LUZP2: variants seen among roughly 807,000 people sequenced by gnomAD.
LUZP2 encodes the protein leucine zipper protein 2.
A neutral mutation model predicts 51.6 loss-of-function variants in LUZP2; 52 were observed. The observed-to-expected ratio is 1.01, with a 90% CI of 0.81 to 1.27. The LOEUF is 1.27. Ranked by LOEUF, LUZP2 falls within the 50% of genes most tolerant of loss-of-function variation. The probability of loss-of-function intolerance (pLI) is 0.00; values close to 1 mark genes in which losing one functional copy is unlikely to be tolerated. For synonymous variants in LUZP2, 154 were observed against 137.3 expected, an observed-to-expected ratio of 1.12 and a Z score of -0.85; for missense variants, 436 against 395.4, an observed-to-expected ratio of 1.10 and a Z score of -0.87.
intron 9 of LUZP2, among the ~76,000 whole-genome samples, chr11:25,006,777 G>A (rs76854539): frequency 0.012 from 1,753 of 152,230 alleles, 35 homozygotes; most frequent in African/African-American, 0.039. Flanking sequence ...CAAGAATGAA[G>A]CCATAGACCC....
intron 9 of LUZP2, among the ~76,000 whole-genome samples, chr11:25,017,829 G>C (rs942710473): frequency 5.9e-5 from 9 of 152,128 alleles, no homozygotes; most frequent in African/African-American, 2.2e-4. Flanking sequence ...TGATGTGGTA[G>C]ATTGATAGGA....
chr11:24,794,479 T>C (rs1442851482), intron 5 of LUZP2, among the ~76,000 whole-genome samples: 4 of 152,130 alleles, frequency 2.6e-5, no homozygotes, highest in Non-Finnish European at 4.4e-5. Flanking sequence ...AATCAAGAGA[T>C]ATAGCAAACA....
At chr11:24,834,490 A>G (rs2134186563) in intron 5 of LUZP2, among the ~76,000 whole-genome samples, 1 of 152,288 alleles carries the variant, frequency 6.6e-6, no homozygotes. Flanking sequence ...TATCCAGTCT[A>G]TCACTGATAC....
intron 5 of LUZP2, among the ~76,000 whole-genome samples, chr11:24,772,314 C>T (rs11028162): frequency 0.08 from 12,216 of 152,118 alleles, 1,063 homozygotes; most frequent in African/African-American, 0.22. Context: ...CTTCTTGCCT[C>T]AATAAACACA....
intron 1 of LUZP2, among the ~76,000 whole-genome samples, chr11:24,540,391 C>T (rs533924733): frequency 3.5e-4 from 54 of 152,122 alleles, no homozygotes; most frequent in African/African-American, 1.3e-3. Context: ...GGGGATCCCT[C>T]ATGATAGGTT....
intron 1 of LUZP2, among the ~76,000 whole-genome samples, chr11:24,702,536 T>C (rs150271130): frequency 2.0e-5 from 3 of 152,208 alleles, no homozygotes; most frequent in African/African-American, 7.2e-5. Flanking sequence ...GGAGCAGACA[T>C]TGTCATATGG....
At chr11:24,820,934 G>T (rs1257676565) in intron 5 of LUZP2, among the ~76,000 whole-genome samples, 1 of 152,110 alleles carries the variant, frequency 6.6e-6, no homozygotes, top group Non-Finnish European at 1.5e-5. Flanking sequence ...TGGATGATCT[G>T]AGCTTGGGCA....
At chr11:24,843,636 T>C (rs938410224) in intron 5 of LUZP2, among the ~76,000 whole-genome samples, 2 of 152,198 alleles carry the variant, frequency 1.3e-5, no homozygotes, top group Non-Finnish European at 2.9e-5. Flanking sequence ...TATACATCTA[T>C]GGACAACAAA....
chr11:24,536,941 A>C (rs1851195883), intron 1 of LUZP2, among the ~76,000 whole-genome samples: 1 of 151,794 alleles, frequency 6.6e-6, no homozygotes, highest in African/African-American at 2.4e-5. Context: ...AATTAGTCTA[A>C]TTCCAATATG....
chr11:24,798,689 C>G (rs1439782868), intron 5 of LUZP2, among the ~76,000 whole-genome samples: 1 of 152,074 alleles, frequency 6.6e-6, no homozygotes, highest in Admixed American at 6.6e-5. Context: ...CTAGGACTGT[C>G]TATCTTGCAT....
At chr11:25,037,354 C>T (rs1391576719) in intron 9 of LUZP2, among the ~76,000 whole-genome samples, 2 of 152,080 alleles carry the variant, frequency 1.3e-5, no homozygotes, top group Admixed American at 6.6e-5. Flanking sequence ...TGTTGTTACA[C>T]GTGAAATGGG....
intron 5 of LUZP2, among the ~76,000 whole-genome samples, chr11:24,830,576 A>T (rs1474418305): frequency 6.6e-6 from 1 of 152,198 alleles, no homozygotes; most frequent in Non-Finnish European, 1.5e-5. Context: ...AGATATTATT[A>T]TGAGATATTT....
intron 9 of LUZP2, among the ~76,000 whole-genome samples, chr11:25,032,855 C>T (rs1248278856): frequency 2.6e-5 from 4 of 152,114 alleles, no homozygotes; most frequent in African/African-American, 9.7e-5. Context: ...TTACTATATA[C>T]CACTATTTAT....
chr11:24,712,707 G>A (rs1857881999), intron 1 of LUZP2, among the ~76,000 whole-genome samples: 1 of 152,090 alleles, frequency 6.6e-6, no homozygotes, highest in Non-Finnish European at 1.5e-5. Context: ...CCATATTTGG[G>A]GCATAATTGA....
At chr11:24,865,170 C>G (rs966119388) in intron 5 of LUZP2, among the ~76,000 whole-genome samples, 1 of 152,176 alleles carries the variant, frequency 6.6e-6, no homozygotes, top group Admixed American at 6.5e-5. Context: ...ACAGCTGTGC[C>G]ATGTACTACT....
chr11:24,988,078 C>T (rs1273734951), intron 9 of LUZP2, among the ~76,000 whole-genome samples: 1 of 151,978 alleles, frequency 6.6e-6, no homozygotes, highest in East Asian at 1.9e-4. Flanking sequence ...TGCCCTATCT[C>T]TCTACTTCTC....
intron 1 of LUZP2, among the ~76,000 whole-genome samples, chr11:24,605,549 A>G (rs1017820625): frequency 1.3e-4 from 19 of 151,898 alleles, no homozygotes; most frequent in Admixed American, 7.9e-4. Context: ...ATTATGGCAT[A>G]AAATAAAAAT....
At chr11:24,606,977 A>T (rs1853942030) in intron 1 of LUZP2, among the ~76,000 whole-genome samples, 1 of 151,802 alleles carries the variant, frequency 6.6e-6, no homozygotes, top group South Asian at 2.1e-4. Context: ...TCCTTTAATC[A>T]TTCTTTACTT....
At chr11:24,673,965 G>C (rs1856472566) in intron 1 of LUZP2, among the ~76,000 whole-genome samples, 1 of 152,022 alleles carries the variant, frequency 6.6e-6, no homozygotes, top group African/African-American at 2.4e-5. Context: ...TAAATCCCTT[G>C]AGTGCCTCTG....
Sources: allele counts gnomAD v4.1 joint callset (sites outside exome capture counted in the v4.1 genomes callset), GRCh38; gene constraint gnomAD v4.1.1; transcripts MANE v1.5; gene names NCBI Gene and HGNC (gene_info 2026-07-23, HGNC 2026-07-21).